ZDHHC14: variants seen among roughly 807,000 people sequenced by gnomAD.
ZDHHC14 encodes zDHHC palmitoyltransferase 14.
Under a neutral mutation model 47.7 loss-of-function variants are expected in ZDHHC14, and 16 were observed. That is an observed-to-expected ratio of 0.34 (90% CI 0.23 to 0.51). ZDHHC14 has a LOEUF of 0.51. Among genes scored for constraint, ZDHHC14 ranks in the 20% least tolerant of loss-of-function variants. ZDHHC14 has a pLI of 0.97. For missense variants in ZDHHC14, 515 were observed against 662.5 expected (o/e 0.78, Z 2.44); for synonymous variants, 293 against 278.9 (o/e 1.05, Z -0.50).
intron 1 of ZDHHC14, among the ~76,000 whole-genome samples, chr6:157,417,655 G>A (rs1469640504): frequency 6.6e-6 from 1 of 152,180 alleles, no homozygotes; most frequent in African/African-American, 2.4e-5. Context: ...ACTTACATTG[G>A]CTGATATGAT....
At position 157,382,042 on chromosome 6, in the gene ZDHHC14, G is replaced by A; in HGVS notation, c.21G>A (p.Gly7=). Residue 7 remains glycine, a synonymous_variant, in exon 1 of 9, where the codon GGG becomes GGA. Transcript: ENST00000359775. MPPGGG[G]PMKDCEYSQI... ...CGTGGATGCCTCCCGGCGGCGGCGG[G>A]CCCATGAAAGACTGCGAGTACAGCC... is the stretch of plus-strand genomic sequence containing the variant. The A allele has an allele frequency of 1.9e-6, 3 of 1,559,686 alleles. No homozygotes were observed. Among genetic ancestry groups the A allele is most frequent in the Non-Finnish European group, 2.6e-6 (3 of 1,155,840 alleles).
intron 1 of ZDHHC14, among the ~76,000 whole-genome samples, chr6:157,477,488 T>C (rs1376647191): frequency 6.6e-6 from 1 of 152,252 alleles, no homozygotes; most frequent in Non-Finnish European, 1.5e-5. Context: ...TGTTAACACT[T>C]TTGATTTTTG....
At chr6:157,497,699 G>A (rs1234061828) in intron 1 of ZDHHC14, among the ~76,000 whole-genome samples, 4 of 152,142 alleles carry the variant, frequency 2.6e-5, no homozygotes, top group Non-Finnish European at 5.9e-5. Flanking sequence ...TGAGCATATT[G>A]TTCATGAATT....
intron 3 of ZDHHC14, among the ~76,000 whole-genome samples, chr6:157,595,110 A>G (rs1401910157): frequency 8.0e-6 from 1 of 124,290 alleles, no homozygotes; most frequent in Non-Finnish European, 1.7e-5. Context: ...AAAACTTTTT[A>G]TTCATTTCTA....
intron 1 of ZDHHC14, among the ~76,000 whole-genome samples, chr6:157,499,461 C>T (rs554320330): frequency 6.6e-6 from 1 of 150,622 alleles, no homozygotes; most frequent in Non-Finnish European, 1.5e-5. Flanking sequence ...TCTCATTTAA[C>T]TTGTGTCACC....
In ZDHHC14 at chr6:157,381,358, C is replaced by T; in HGVS notation, c.-664C>T. On this transcript the variant is annotated 5_prime_UTR_variant, in exon 1 of 9. Coordinates refer to ENST00000359775, the MANE Select transcript of ZDHHC14 (RefSeq NM_024630.3). Reference sequence around the variant, plus strand: ...GGGGCCGCGGATTCGACTAGGCTGCCAGGCGCAGCGACACCGGGTCGCGGT... The same window carrying T: ...GGGGCCGCGGATTCGACTAGGCTGCTAGGCGCAGCGACACCGGGTCGCGGT... 1 of 163,684 alleles carries T rather than the reference C, an allele frequency of 6.1e-6. No homozygotes were observed. 10.1% of individuals were successfully genotyped at this position (163,684 alleles called of 1,614,324 possible). A position where few individuals can be genotyped will look rare whatever the true frequency, so the allele number is the denominator to read the frequency against.
chr6:157,603,862 A>T (rs933416770), intron 3 of ZDHHC14, among the ~76,000 whole-genome samples: 1 of 152,018 alleles, frequency 6.6e-6, no homozygotes, highest in Non-Finnish European at 1.5e-5. Flanking sequence ...TGTGGCGAAG[A>T]CTCCATTGTC....
At chr6:157,607,414 C>A (rs753514663) in intron 3 of ZDHHC14, among the ~76,000 whole-genome samples, 1 of 151,988 alleles carries the variant, frequency 6.6e-6, no homozygotes, top group African/African-American at 2.4e-5. Flanking sequence ...ACAAACAAAC[C>A]AACTACAGTA....
At chr6:157,494,931 C>G (rs932354949) in intron 1 of ZDHHC14, among the ~76,000 whole-genome samples, 1 of 152,134 alleles carries the variant, frequency 6.6e-6, no homozygotes, top group Non-Finnish European at 1.5e-5. Flanking sequence ...TGTCTCAACC[C>G]CTAAAGACTG....
chr6:157,495,893 C>T (rs1009810659), intron 1 of ZDHHC14, among the ~76,000 whole-genome samples: 20 of 151,628 alleles, frequency 1.3e-4, no homozygotes, highest in African/African-American at 4.6e-4. Context: ...TTGGTAGAGA[C>T]GGGATTCTGC....
intron 1 of ZDHHC14, among the ~76,000 whole-genome samples, chr6:157,419,276 T>C (rs1778049074): frequency 6.6e-6 from 1 of 152,232 alleles, no homozygotes; most frequent in Non-Finnish European, 1.5e-5. Context: ...GTTTACTCTT[T>C]GTGTTGTATA....
At chr6:157,656,049 T>C (rs183477523) in intron 8 of ZDHHC14, among the ~76,000 whole-genome samples, 22 of 152,342 alleles carry the variant, frequency 1.4e-4, no homozygotes, top group African/African-American at 5.0e-4. Flanking sequence ...GAAGGTGGCT[T>C]TAACCATGGA....
At chr6:157,565,802 T>G (rs1782878542) in intron 2 of ZDHHC14, among the ~76,000 whole-genome samples, 1 of 139,686 alleles carries the variant, frequency 7.2e-6, no homozygotes. Context: ...AGACTCCGTC[T>G]CCAAAAAAAA....
intron 1 of ZDHHC14, among the ~76,000 whole-genome samples, chr6:157,489,240 A>G (rs1002315832): frequency 1.5e-4 from 23 of 152,220 alleles, no homozygotes; most frequent in African/African-American, 5.5e-4. Flanking sequence ...TTTTTAGAAA[A>G]TGAAAACATT....
chr6:157,582,179 G>A lies in ZDHHC14; in HGVS notation c.407-10809G>A, dbSNP rs1460253223. On this transcript the variant is annotated intron_variant, in intron 2 of 8. Transcript: ENST00000359775. The surrounding 1 kb of genome is among the most constrained non-coding windows in gnomAD (Gnocchi z 4.3). ...CCCAAAGTGCTGGGATTACAGGTGTGAGCCACCATGCCCAGCCCACCCTGT... is the reference window on the plus strand; with the variant it reads ...CCCAAAGTGCTGGGATTACAGGTGTAAGCCACCATGCCCAGCCCACCCTGT... Among the ~76,000 whole-genome samples the A allele has an allele frequency of 6.6e-6, 1 of 152,236 alleles. No individual in the cohort carries two copies. The highest frequency in any genetic ancestry group is 1.5e-5 in the Non-Finnish European group (1 of 68,046).
intron 1 of ZDHHC14, among the ~76,000 whole-genome samples, chr6:157,437,204 C>T (rs971589242): frequency 2.6e-5 from 4 of 152,218 alleles, no homozygotes; most frequent in African/African-American, 9.7e-5. Flanking sequence ...TTTGCTGGGC[C>T]TCCTGGTTCT....
chr6:157,537,576 A>C (rs1385410330), intron 1 of ZDHHC14, among the ~76,000 whole-genome samples: 1 of 152,176 alleles, frequency 6.6e-6, no homozygotes, highest in East Asian at 1.9e-4. Flanking sequence ...ATCTTTATGA[A>C]GACTAAGATG....
intron 3 of ZDHHC14, among the ~76,000 whole-genome samples, chr6:157,601,527 CAGTT>C (rs1340069440): frequency 2.0e-5 from 3 of 152,024 alleles, no homozygotes; most frequent in African/African-American, 4.8e-5. Flanking sequence ...TACTATGTAT[CAGTT>C]AGGAATTGTA....
chr6:157,430,265 G>T (rs887213980), intron 1 of ZDHHC14, among the ~76,000 whole-genome samples: 1 of 144,044 alleles, frequency 6.9e-6, no homozygotes, highest in Middle Eastern at 3.5e-3. Flanking sequence ...GCAGTGAGCC[G>T]ACAGTGTGAC....
Sources: allele counts gnomAD v4.1 joint callset (sites outside exome capture counted in the v4.1 genomes callset), GRCh38; gene constraint gnomAD v4.1.1; non-coding constraint Gnocchi (gnomAD v3.1); transcripts MANE v1.5; gene names NCBI Gene and HGNC (gene_info 2026-07-23, HGNC 2026-07-21).